Variants in KATNIP observed in about 807,000 individuals in gnomAD.
KATNIP encodes katanin-interacting protein.
A neutral mutation model predicts 174.0 loss-of-function variants in KATNIP; 126 were observed. The observed-to-expected ratio is 0.72, with a 90% CI of 0.63 to 0.84. The LOEUF is 0.84. Ranked by LOEUF, KATNIP falls within the 40% of genes least tolerant of loss-of-function variation. The pLI, the probability that KATNIP is intolerant of heterozygous loss-of-function variation, is 0.00. For synonymous variants in KATNIP, 810 were observed against 835.7 expected (o/e 0.97, Z 0.53); for missense variants, 1,958 against 2,109.7 (o/e 0.93, Z 1.41).
chr16:27,677,981 A>C lies in KATNIP; in HGVS notation c.793A>C (p.Asn265His), dbSNP rs756381280. 2 of 1,613,864 alleles carry C rather than the reference A, an allele frequency of 1.2e-6. No individual in the cohort carries two copies. The highest frequency in any genetic ancestry group is 3.3e-5 in the Admixed American group (2 of 60,018). ...GPDTLVVLEF[N>H]PASKSHKRER... ...AGACACCCTCGTGGTGCTGGAATTT[A>C]ACCCAGCTTCCAAAAGTGAGCTCTG... The change falls in exon 7 of 28, where the codon AAC (asparagine) becomes CAC (histidine). Residue 265 changes from asparagine (N) to histidine (H), a missense_variant. Around this residue, in one of 3 missense-constraint regions of KATNIP, gnomAD observed 1,557 missense variants for 1,617.8 expected, o/e 0.96. Transcript: ENST00000261588.
At chr16:27,597,641 A>G (rs977883060) in intron 2 of KATNIP, among the ~76,000 whole-genome samples, 4 of 151,992 alleles carry the variant, frequency 2.6e-5, no homozygotes, top group African/African-American at 4.8e-5. Context: ...CATTTTGTCC[A>G]TTCTTCTCAG....
intron 6 of KATNIP, among the ~76,000 whole-genome samples, chr16:27,654,953 C>A (rs1028367702): frequency 4.6e-5 from 7 of 151,490 alleles, no homozygotes; most frequent in Admixed American, 2.0e-4. Flanking sequence ...AACAGCAAGA[C>A]CTTGTCTCAA....
chr16:27,690,875 T>TCCAGG (rs1249512542), intron 8 of KATNIP, among the ~76,000 whole-genome samples: 5 of 152,212 alleles, frequency 3.3e-5, no homozygotes, highest in African/African-American at 1.2e-4. Flanking sequence ...ATATGAATAC[T>TCCAGG]GTTCCAGGGT....
intron 13 of KATNIP, among the ~76,000 whole-genome samples, chr16:27,712,482 A>T (rs1251838888): frequency 1.3e-5 from 2 of 152,158 alleles, no homozygotes; most frequent in African/African-American, 4.8e-5. Flanking sequence ...AGGAAGAGGC[A>T]CTTGCCCCAG....
chr16:27,606,902 C>T (rs1247845337), intron 2 of KATNIP, among the ~76,000 whole-genome samples: 1 of 152,054 alleles, frequency 6.6e-6, no homozygotes, highest in Non-Finnish European at 1.5e-5. Flanking sequence ...TTTAAGGTTG[C>T]TCATAATTGT....
intron 2 of KATNIP, among the ~76,000 whole-genome samples, chr16:27,597,571 C>G (rs997776609): frequency 6.6e-6 from 1 of 152,032 alleles, no homozygotes; most frequent in Admixed American, 6.6e-5. Flanking sequence ...CCTGTTGCAT[C>G]GGATTCCCTG....
intron 14 of KATNIP, among the ~76,000 whole-genome samples, chr16:27,733,089 T>C (rs763805021): frequency 1.3e-5 from 2 of 152,232 alleles, no homozygotes; most frequent in Non-Finnish European, 2.9e-5. Flanking sequence ...CAGATGTTTG[T>C]TCTCAGGTTG....
Position 27,708,881 on chromosome 16 carries a change from G to T in KATNIP, c.1566G>T (p.Thr522=), listed in dbSNP as rs149790544. Residue 522 remains threonine, a synonymous_variant, in exon 13 of 28, where the codon ACG becomes ACT. Coordinates refer to ENST00000261588, the MANE Select transcript of KATNIP (RefSeq NM_015202.5). ...PHDVDIRNTA[T]PGELGRLVNR... ...ATGTGGATATCCGGAACACAGCCAC[G>T]CCTGGGGAGCTGGGCCGCCTCGTCA... 3.1e-6 allele frequency: 5 copies of T among 1,613,574 alleles called. No homozygotes were observed. The highest frequency in any genetic ancestry group is 4.2e-6 in the Non-Finnish European group (5 of 1,179,970).
intron 1 of KATNIP, among the ~76,000 whole-genome samples, chr16:27,552,377 CTT>C (rs1167836198): frequency 1.4e-4 from 19 of 135,030 alleles, no homozygotes; most frequent in Admixed American, 1.5e-4. Context: ...TTTCTTTTTT[CTT>C]TTTTTTTTTT....
Position 27,740,254 on chromosome 16 carries a change from A to G in KATNIP, c.1957A>G (p.Lys653Glu). ...THEMAGASGD[K>E]ELGLGCSPPA... is the part of the protein sequence containing the mutation. ...TGAGATGGCTGGTGCCAGCGGGGAC[A>G]AGGAGCTTGGTCTCGGTTGCTCACC... Residue 653 changes from lysine to glutamate, a missense_variant, in exon 15 of 28, where the codon AAG (lysine) becomes GAG (glutamate). Around this residue, in one of 3 missense-constraint regions of KATNIP, gnomAD observed 1,557 missense variants for 1,617.8 expected, o/e 0.96. Coordinates refer to ENST00000261588, the MANE Select transcript of KATNIP (RefSeq NM_015202.5). The G allele has an allele frequency of 1.2e-6, 2 of 1,614,262 alleles. No homozygotes were observed. Among genetic ancestry groups the G allele is most frequent in the Non-Finnish European group, 1.7e-6 (2 of 1,180,030 alleles).
chr16:27,769,323 G>A (rs967195470), intron 20 of KATNIP, among the ~76,000 whole-genome samples: 17 of 152,348 alleles, frequency 1.1e-4, no homozygotes, highest in African/African-American at 4.1e-4. Context: ...CCTGTCCTAA[G>A]GGAGAGCTCC....
intron 17 of KATNIP, 98 bp from the exon 18 acceptor site, chr16:27,754,074 AG>A (rs1567403440): frequency 1.1e-6 from 1 of 934,600 alleles, no homozygotes; most frequent in African/African-American, 1.6e-5. Flanking sequence ...ACCTGGGCAT[AG>A]GGTGGGCAGT....
chr16:27,558,595 A>T (rs1254079501), intron 1 of KATNIP, among the ~76,000 whole-genome samples: 1 of 152,226 alleles, frequency 6.6e-6, no homozygotes, highest in Non-Finnish European at 1.5e-5. Context: ...CCTTTCCCAA[A>T]GCAGTGTGGC....
At chr16:27,611,437 G>A (rs2075886819) in intron 2 of KATNIP, among the ~76,000 whole-genome samples, 1 of 152,204 alleles carries the variant, frequency 6.6e-6, no homozygotes, top group African/African-American at 2.4e-5. Flanking sequence ...GCACAAAAAG[G>A]GGTAGAATCT....
chr16:27,680,420 G>A (rs2078288839), intron 7 of KATNIP, among the ~76,000 whole-genome samples: 3 of 152,196 alleles, frequency 2.0e-5, no homozygotes, highest in African/African-American at 7.2e-5. Flanking sequence ...TCATTCCTGG[G>A]TGTGAAGAAC....
At chr16:27,569,213 T>C (rs544507548) in intron 1 of KATNIP, among the ~76,000 whole-genome samples, 1 of 152,304 alleles carries the variant, frequency 6.6e-6, no homozygotes, top group East Asian at 1.9e-4. Flanking sequence ...GCCTGATGAC[T>C]TCAGAAACTA....
intron 20 of KATNIP, among the ~76,000 whole-genome samples, chr16:27,768,343 C>T (rs573024509): frequency 6.6e-6 from 1 of 152,240 alleles, no homozygotes; most frequent in South Asian, 2.1e-4. Flanking sequence ...GAGGTCACCT[C>T]GAAGGGAATG....
At chr16:27,778,058 A>C (rs1597441047) in intron 27 of KATNIP, 89 bp downstream of exon 27, 4 of 1,166,990 alleles carry the variant, frequency 3.4e-6, no homozygotes, top group Admixed American at 2.0e-5. Flanking sequence ...CCCCACCCTC[A>C]CCCCTGCCTG....
intron 15 of KATNIP, 40 bp downstream of exon 15, chr16:27,740,960 C>A (rs1403039306): frequency 6.5e-7 from 1 of 1,533,864 alleles, no homozygotes; most frequent in Non-Finnish European, 8.8e-7. Flanking sequence ...CATCATCATC[C>A]CAGCCCCTCT....
Sources: gnomAD v4.1 joint callset for allele counts (sites outside exome capture counted in the v4.1 genomes callset) on GRCh38, gnomAD v4.1.1 for gene constraint, gnomAD v4.1.1 regional missense constraint, MANE v1.5 for transcripts, NCBI Gene and HGNC (gene_info 2026-07-23, HGNC 2026-07-21) for gene names.